The following KIF16B variants were observed in gnomAD, a reference collection of about 807,000 sequenced individuals.
The protein encoded by KIF16B is kinesin-like protein KIF16B.
In KIF16B, 98 loss-of-function variants were observed where a neutral mutation model predicts 156.3. The ratio of observed to expected loss-of-function variants is 0.63; its 90% CI spans 0.53 to 0.74. The LOEUF is 0.74. Among genes scored for constraint, KIF16B ranks in the 30% least tolerant of loss-of-function variants. The pLI, the probability that KIF16B is intolerant of heterozygous loss-of-function variation, is 0.00. For missense variants in KIF16B, 1,421 were observed against 1,606.5 expected (o/e 0.88, Z 1.97); for synonymous variants, 564 against 583.7 (o/e 0.97, Z 0.49).
chr20:16,469,255 A>T (rs973143799), intron 12 of KIF16B, among the ~76,000 whole-genome samples: 20 of 88,958 alleles, frequency 2.2e-4, no homozygotes, highest in African/African-American at 1.1e-3. Context: ...CCTGTGTCTT[A>T]AAAAAAAAAA....
At chr20:16,411,947 T>TGTGTGTGC (rs1461190984) in intron 15 of KIF16B, among the ~76,000 whole-genome samples, 3 of 151,164 alleles carry the variant, frequency 2.0e-5, no homozygotes, top group East Asian at 3.9e-4. Context: ...TGTGTGTGTG[T>TGTGTGTGC]GTGTGTGTGT....
intron 10 of KIF16B, among the ~76,000 whole-genome samples, chr20:16,503,267 A>C (rs1408700575): frequency 6.6e-6 from 1 of 152,294 alleles, no homozygotes; most frequent in East Asian, 1.9e-4. Flanking sequence ...AAAAATGACT[A>C]TTGTGGTTCA....
At chr20:16,273,493 C>G (rs556128903) in intron 25 of KIF16B, 82 bp from the exon 26 acceptor site, 2 of 1,125,540 alleles carry the variant, frequency 1.8e-6, no homozygotes, top group Non-Finnish European at 1.3e-6. Context: ...GAGTTTGAGA[C>G]CAGTCCAGGC....
At chr20:16,428,707 G>T (rs1284431773) in intron 14 of KIF16B, among the ~76,000 whole-genome samples, 1 of 152,152 alleles carries the variant, frequency 6.6e-6, no homozygotes. Context: ...AATGTAGGGT[G>T]GGAGAAAGGG....
At chr20:16,301,793 GCA>G (rs1568830778) in intron 25 of KIF16B, among the ~76,000 whole-genome samples, 3 of 152,058 alleles carry the variant, frequency 2.0e-5, no homozygotes, top group African/African-American at 4.8e-5. Context: ...GGGATTACAG[GCA>G]TGCACCACTA....
chr20:16,538,895 A>C (rs568026548), intron 1 of KIF16B, among the ~76,000 whole-genome samples: 1 of 152,066 alleles, frequency 6.6e-6, no homozygotes, highest in Admixed American at 6.6e-5. Flanking sequence ...TGGCTGTTTA[A>C]AAGTACATGA....
At position 16,515,532 on chromosome 20, in the gene KIF16B, A is replaced by G. The variant is rs759015948; in HGVS notation, c.348+16T>C. ...ATAATGAGAAATTTCCTTCCCACAC[A>G]GTATAAACAACGTACAGAATTTCCC... On this transcript the variant is annotated intron_variant, in intron 4 of 25. Transcript: ENST00000354981. 3.8e-6 allele frequency: 5 copies of G among 1,308,058 alleles called. No homozygotes were observed. In the African/African-American group the frequency reaches 5.8e-5, roughly 15 times the overall value. 81.0% of individuals were successfully genotyped at this position (1,308,058 alleles called of 1,614,324 possible).
chr20:16,512,997 G>A (rs1412679868), intron 4 of KIF16B, 74 bp from the exon 5 acceptor site: 22 of 1,135,074 alleles, frequency 1.9e-5, no homozygotes, highest in Non-Finnish European at 2.5e-5. Context: ...GCAATTTGCT[G>A]GCATGAAGTT....
At chr20:16,354,845 CT>C (rs1223404970) in intron 23 of KIF16B, among the ~76,000 whole-genome samples, 3 of 152,052 alleles carry the variant, frequency 2.0e-5, no homozygotes, top group African/African-American at 7.2e-5. Context: ...ACTCGGGAAG[CT>C]GAGGTAGGAG....
chr20:16,506,202 TAA>T lies in KIF16B; in HGVS notation c.700-14_700-13del. The T allele has an allele frequency of 6.2e-7, 1 of 1,612,942 alleles. No homozygotes were observed. The highest frequency in any genetic ancestry group is 2.2e-5 in the East Asian group (1 of 44,880). On this transcript the variant is annotated splice_polypyrimidine_tract_variant and intron_variant, in intron 7 of 25. Transcript: ENST00000354981. The stretch of plus-strand genomic sequence containing the variant: ...GAATCAAATTTAGCCTGTGGTAAAA[TAA>T]AAAAGTAAAATTGAAGAGGTGCAAA...
At position 16,379,634 on chromosome 20, in the gene KIF16B, C is replaced by A; in HGVS notation, c.2368G>T (p.Glu790Ter). The change falls in exon 19 of 26, where the codon GAG becomes TAG. Residue 790 changes from glutamate (E) to a stop codon, truncating the protein, a stop_gained. Coordinates refer to ENST00000354981, the MANE Select transcript of KIF16B (RefSeq NM_024704.5). LOFTEE classifies it high-confidence loss of function. ...CGAATGCCTTCCAGGTCCCTCTTCTCCTCTTCCACCCACTGTACCTCCCCA... is the reference window on the plus strand; with the variant it reads ...CGAATGCCTTCCAGGTCCCTCTTCTACTCTTCCACCCACTGTACCTCCCCA... ...RRGEVQWVEE[E>*]KRDLEGIRES... The A allele has an allele frequency of 2.5e-6, 4 of 1,614,132 alleles. No homozygotes were observed. Among genetic ancestry groups the A allele is most frequent in the African/African-American group, 2.7e-5 (2 of 75,028 alleles).
At chr20:16,389,015 G>A (rs138737641) in intron 17 of KIF16B, among the ~76,000 whole-genome samples, 129 of 152,248 alleles carry the variant, frequency 8.5e-4, no homozygotes, top group Non-Finnish European at 1.4e-3. Flanking sequence ...CAACATGCAC[G>A]GAAGGGAGAC....
intron 25 of KIF16B, among the ~76,000 whole-genome samples, chr20:16,280,867 T>TGTGTGTGTGTGTGTGTGCGC (rs758721339): frequency 5.5e-4 from 83 of 150,894 alleles, no homozygotes; most frequent in African/African-American, 1.9e-3. Flanking sequence ...TGTGTGTGTG[T>TGTGTGTGTGTGTGTGTGCGC]GCGCAGAAAA....
At chr20:16,471,839 T>C (rs1762115538) in intron 12 of KIF16B, among the ~76,000 whole-genome samples, 1 of 152,266 alleles carries the variant, frequency 6.6e-6, no homozygotes, top group African/African-American at 2.4e-5. Context: ...CCATATTTAT[T>C]CTTTTTTCCA....
At chr20:16,544,924 AC>A (rs2070348134) in intron 1 of KIF16B, among the ~76,000 whole-genome samples, 1 of 152,226 alleles carries the variant, frequency 6.6e-6, no homozygotes, top group Admixed American at 6.5e-5. Context: ...AAAACAAGAT[AC>A]TATTCTTAAA....
chr20:16,304,596 A>C (rs574135597), intron 25 of KIF16B, among the ~76,000 whole-genome samples: 1 of 152,366 alleles, frequency 6.6e-6, no homozygotes, highest in Admixed American at 6.5e-5. Context: ...CTAAATGAGG[A>C]AGAAAACAGT....
intron 10 of KIF16B, among the ~76,000 whole-genome samples, chr20:16,501,380 G>C (rs141468445): frequency 8.4e-6 from 1 of 119,522 alleles, no homozygotes; most frequent in African/African-American, 3.8e-5. Context: ...GAATTTAACC[G>C]GCACTTCTAT....
chr20:16,381,820 G>T, intron 17 of KIF16B, 73 bp from the exon 18 acceptor site: 2 of 1,234,644 alleles, frequency 1.6e-6, no homozygotes. Flanking sequence ...TCTGTATACA[G>T]AGTCACATAT....
chr20:16,299,812 A>C (rs1403809093), intron 25 of KIF16B, among the ~76,000 whole-genome samples: 6 of 152,196 alleles, frequency 3.9e-5, no homozygotes, highest in Non-Finnish European at 8.8e-5. Context: ...GTAGAAAGTT[A>C]AGAGGGGGAG....
Sources: gnomAD v4.1 joint callset for allele counts (sites outside exome capture counted in the v4.1 genomes callset) on GRCh38, gnomAD v4.1.1 for gene constraint, MANE v1.5 for transcripts, NCBI Gene and HGNC (gene_info 2026-07-23, HGNC 2026-07-21) for gene names.